The following QTMAN variants were observed in gnomAD, a reference collection of about 807,000 sequenced individuals.
QTMAN encodes tRNA-queuosine alpha-mannosyltransferase.
At chr2:144,296,454 A>C in the QTMAN span, among the ~76,000 whole-genome samples, 1 of 152,222 alleles carries the variant, frequency 6.6e-6, no homozygotes, top group African/African-American at 2.4e-5. Flanking sequence ...GTGTTCATTT[A>C]GGACAAAGTT....
the QTMAN span, among the ~76,000 whole-genome samples, chr2:144,307,346 T>C: frequency 6.6e-6 from 1 of 152,026 alleles, no homozygotes; most frequent in Non-Finnish European, 1.5e-5. Flanking sequence ...GCAAAAAACT[T>C]AGAGCTAATA....
At chr2:144,153,445 C>T in the QTMAN span, among the ~76,000 whole-genome samples, 1 of 152,210 alleles carries the variant, frequency 6.6e-6, no homozygotes, top group Non-Finnish European at 1.5e-5. Context: ...CACGGTGGCT[C>T]ATGCCTGTAA....
the QTMAN span, among the ~76,000 whole-genome samples, chr2:144,318,198 C>CACAA: frequency 7.2e-6 from 1 of 139,200 alleles, no homozygotes; most frequent in African/African-American, 2.6e-5. Context: ...TAAATAAACA[C>CACAA]ACACACACAC....
chr2:144,033,186 C>T, the QTMAN span, among the ~76,000 whole-genome samples: 1 of 152,178 alleles, frequency 6.6e-6, no homozygotes, highest in Non-Finnish European at 1.5e-5. Context: ...AGGTATTCTA[C>T]AATTCAGTTT....
the QTMAN span, among the ~76,000 whole-genome samples, chr2:144,284,644 A>G: frequency 6.6e-6 from 1 of 152,174 alleles, no homozygotes; most frequent in East Asian, 1.9e-4. Flanking sequence ...CACTAAATAT[A>G]AAACATTTAA....
the QTMAN span, among the ~76,000 whole-genome samples, chr2:144,278,253 G>C: frequency 6.6e-6 from 1 of 152,074 alleles, no homozygotes; most frequent in Non-Finnish European, 1.5e-5. Context: ...CCTAGTAAAC[G>C]ATTACACCTT....
At chr2:144,077,380 T>G in the QTMAN span, among the ~76,000 whole-genome samples, 1 of 152,210 alleles carries the variant, frequency 6.6e-6, no homozygotes, top group Non-Finnish European at 1.5e-5. Flanking sequence ...ATTTCATCTG[T>G]GGTAAAATGC....
chr2:144,326,872 T>C, the QTMAN span, among the ~76,000 whole-genome samples: 7 of 152,072 alleles, frequency 4.6e-5, no homozygotes, highest in Admixed American at 2.0e-4. Flanking sequence ...GAATGTGTAA[T>C]AGATACCTGT....
the QTMAN span, among the ~76,000 whole-genome samples, chr2:144,092,765 G>A: frequency 1.3e-5 from 2 of 151,932 alleles, no homozygotes; most frequent in African/African-American, 4.8e-5. Flanking sequence ...CCACTCATAG[G>A]TCATACAAAT....
the QTMAN span, among the ~76,000 whole-genome samples, chr2:144,190,806 C>T: frequency 2.6e-5 from 4 of 152,056 alleles, no homozygotes; most frequent in African/African-American, 7.2e-5. Flanking sequence ...CCTTCAAAAG[C>T]GCTACAAAGG....
chr2:144,181,465 A>T, the QTMAN span, among the ~76,000 whole-genome samples: 3 of 152,248 alleles, frequency 2.0e-5, no homozygotes, highest in Non-Finnish European at 1.5e-5. Flanking sequence ...TAAAACTAAG[A>T]TCACTAATAA....
At chr2:144,297,432 G>T in the QTMAN span, among the ~76,000 whole-genome samples, 1 of 151,874 alleles carries the variant, frequency 6.6e-6, no homozygotes, top group Admixed American at 6.6e-5. Flanking sequence ...TAATCCTCAT[G>T]ACTTTTCTGG....
the QTMAN span, among the ~76,000 whole-genome samples, chr2:144,229,127 T>C: frequency 6.6e-6 from 1 of 152,228 alleles, no homozygotes; most frequent in Admixed American, 6.5e-5. Flanking sequence ...ATTATTGTAT[T>C]ATTTAATATT....
At chr2:144,107,732 T>G in the QTMAN span, among the ~76,000 whole-genome samples, 2 of 151,990 alleles carry the variant, frequency 1.3e-5, no homozygotes, top group African/African-American at 4.8e-5. Flanking sequence ...GAAAAAGAGG[T>G]ATTCCTCCCT....
chr2:144,066,445 T>A, the QTMAN span, among the ~76,000 whole-genome samples: 556 of 152,332 alleles, frequency 3.6e-3, 7 homozygotes, highest in African/African-American at 0.013. Context: ...AGCCAATTTT[T>A]CAGCACTTCA....
At chr2:143,959,782 A>G in the QTMAN span, among the ~76,000 whole-genome samples, 5,799 of 152,228 alleles carry the variant, frequency 0.038, 371 homozygotes, top group African/African-American at 0.13. Flanking sequence ...CTAAATAAAT[A>G]TATCAAAATG....
At chr2:143,993,573 G>A in the QTMAN span, among the ~76,000 whole-genome samples, 1 of 152,152 alleles carries the variant, frequency 6.6e-6, no homozygotes, top group Non-Finnish European at 1.5e-5. Flanking sequence ...TGTGACTGGA[G>A]GCAGTGAATG....
chr2:144,317,096 T>C, the QTMAN span, among the ~76,000 whole-genome samples: 1 of 152,182 alleles, frequency 6.6e-6, no homozygotes, highest in Admixed American at 6.6e-5. Flanking sequence ...AGCACCCTTT[T>C]CAATCCAAAA....
chr2:144,078,166 C>T, the QTMAN span, among the ~76,000 whole-genome samples: 1 of 152,186 alleles, frequency 6.6e-6, no homozygotes, highest in East Asian at 1.9e-4. Context: ...GAATACAACA[C>T]AATCCACCAA....
Sources: gnomAD v4.1 joint callset for allele counts (sites outside exome capture counted in the v4.1 genomes callset) on GRCh38, gnomAD v4.1.1 for gene constraint, MANE v1.5 for transcripts, NCBI Gene and HGNC (gene_info 2026-07-23, HGNC 2026-07-21) for gene names.